Variants in MAPK8IP1 observed in about 807,000 individuals in gnomAD.
MAPK8IP1 encodes mitogen-activated protein kinase 8 interacting protein 1, also known as C-Jun-amino-terminal kinase-interacting protein 1.
Under a neutral mutation model 72.6 loss-of-function variants are expected in MAPK8IP1, and 17 were observed. That is an observed-to-expected ratio of 0.23 (90% CI 0.16 to 0.35). The LOEUF (loss-of-function observed/expected upper bound fraction) is 0.35, where lower values mean the gene tolerates loss of function less well. MAPK8IP1 is among the 10% of genes least tolerant of loss of function. The pLI, the probability that MAPK8IP1 is intolerant of heterozygous loss-of-function variation, is 1.00. For synonymous variants in MAPK8IP1, 401 were observed against 443.4 expected, an observed-to-expected ratio of 0.90 and a Z score of 1.20; for missense variants, 789 against 1,009.7, an observed-to-expected ratio of 0.78 and a Z score of 2.96.
chr11:45,904,493 G>C lies in MAPK8IP1; in HGVS notation c.1705G>C (p.Val569Leu), dbSNP rs1326426868. ...KNSDWVDQFR[V>L]KFLGSVQVPY... ...CAGTGACTGGGTGGACCAGTTCCGGGTGAAGTTCCTGGGCTCAGTCCAGGT... is the reference window on the plus strand; with the variant it reads ...CAGTGACTGGGTGGACCAGTTCCGGCTGAAGTTCCTGGGCTCAGTCCAGGT... Residue 569 changes from valine (V) to leucine (L), a missense_variant, in exon 8 of 12, where the codon GTG becomes CTG. By Grantham distance (32) the Val-to-Leu change is conservative. Coordinates refer to ENST00000241014, the MANE Select transcript of MAPK8IP1 (RefSeq NM_005456.4). The surrounding 1 kb of genome is among the most constrained non-coding windows in gnomAD (Gnocchi z 6.4). 1.2e-6 allele frequency: 2 copies of C among 1,614,196 alleles called. No homozygotes were observed. Among genetic ancestry groups the C allele is most frequent in the Non-Finnish European group, 1.7e-6 (2 of 1,180,044 alleles).
At chr11:45,896,850 C>G (rs753549474) in intron 1 of MAPK8IP1, 1 of 1,548,320 alleles carries the variant, frequency 6.5e-7, no homozygotes, top group Non-Finnish European at 8.7e-7. Flanking sequence ...CCCTGGGGCC[C>G]CGCAGCCCCC....
At chr11:45,896,614 G>A (rs1208146983) in intron 1 of MAPK8IP1, 12 of 1,350,492 alleles carry the variant, frequency 8.9e-6, no homozygotes, top group Non-Finnish European at 1.1e-5. Flanking sequence ...GGCCAGGCCA[G>A]CCGGGAGGAA....
rs1473959371 is a variant in MAPK8IP1 at position 45,900,643 on chromosome 11, GC to G, written c.522+192del. Among the ~76,000 whole-genome samples the G allele has an allele frequency of 6.6e-6, 1 of 152,238 alleles. No homozygotes were observed. The highest frequency in any genetic ancestry group is 2.4e-5 in the African/African-American group (1 of 41,456). ...GCAGAACCATCCTTACGAAGAGGGG[GC>G]TGAGTCCAGCTGGCCGGGCTTGGAG... is the stretch of plus-strand genomic sequence containing the variant. On this transcript the variant is annotated intron_variant, in intron 3 of 11. Transcript: ENST00000241014. The surrounding 1 kb of genome is among the most constrained non-coding windows in gnomAD (Gnocchi z 6.5).
In MAPK8IP1 at chr11:45,898,105, TGGA is replaced by T; in HGVS notation, c.127_129del (p.Glu43del). The T allele has an allele frequency of 6.2e-7, 1 of 1,613,464 alleles. No homozygotes were observed. Among genetic ancestry groups the T allele is most frequent in the Non-Finnish European group, 8.5e-7 (1 of 1,179,574 alleles). On this transcript the variant is annotated inframe_deletion, in exon 2 of 12. Coordinates refer to ENST00000241014, the MANE Select transcript of MAPK8IP1 (RefSeq NM_005456.4). Reference sequence around the variant, plus strand: ...ACCAGGCTCACCCATGACATCAGCCTGGAGGAGTTTGAGGATGAAGACCTCTCG... The same window carrying T: ...ACCAGGCTCACCCATGACATCAGCCTGGAGTTTGAGGATGAAGACCTCTCG...
Position 45,902,921 on chromosome 11 carries a change from T to G in MAPK8IP1, c.1154T>G (p.Val385Gly). The G allele has an allele frequency of 6.2e-7, 1 of 1,610,542 alleles. No homozygotes were observed. The highest frequency in any genetic ancestry group is 8.5e-7 in the Non-Finnish European group (1 of 1,179,014). ...SYDSVKYTLV[V>G]DEHAQLELVS... ...GACTCTGTCAAGTACACGCTGGTGG[T>G]AGATGAGCATGCACAGCTGGAGCTG... is the stretch of plus-strand genomic sequence containing the variant. The change falls in exon 5 of 12, where the codon GTA becomes GGA. Residue 385 changes from valine to glycine, a missense_variant. By Grantham distance (109) the Val-to-Gly change is moderately radical. Around this residue, in one of 4 missense-constraint regions of MAPK8IP1, gnomAD observed 377 missense variants for 411.7 expected, o/e 0.92. Transcript: ENST00000241014. This position sits in a 1 kb window ranked among gnomAD's most constrained non-coding sequence, Gnocchi z 9.3.
At chr11:45,896,631 T>A in intron 1 of MAPK8IP1, 1 of 1,365,066 alleles carries the variant, frequency 7.3e-7, no homozygotes, top group South Asian at 1.9e-5. Context: ...GGAAGGTGCC[T>A]GCAGCTGAGG....
chr11:45,900,166 G>C lies in MAPK8IP1; in HGVS notation c.236G>C (p.Gly79Ala), dbSNP rs1239738750. ...CCGCGCGCCGGGCTGCTCTCTGCGG[G>C]CGGCGGCGGCGCGGGGAGCCGGTTG... Reference protein sequence around the residue: ...RPPRAGLLSAGGGGAGSRLQA... With the variant: ...RPPRAGLLSAAGGGAGSRLQA... The change falls in exon 3 of 12, where the codon GGC (glycine) becomes GCC (alanine). Residue 79 changes from glycine (G) to alanine (A), a missense_variant. Transcript: ENST00000241014. The surrounding 1 kb of genome is among the most constrained non-coding windows in gnomAD (Gnocchi z 6.5). 27 of 1,308,266 alleles carry C rather than the reference G, an allele frequency of 2.1e-5. No homozygotes were observed. The highest frequency in any genetic ancestry group is 2.6e-5 in the Non-Finnish European group (27 of 1,035,448). 81.0% of individuals were successfully genotyped at this position (1,308,266 alleles called of 1,614,324 possible). A position where few individuals can be genotyped will look rare whatever the true frequency, so the allele number is the denominator to read the frequency against.
Position 45,904,214 on chromosome 11 carries a change from A to G in MAPK8IP1, c.1666+53A>G. 2 of 1,574,782 alleles carry G rather than the reference A, an allele frequency of 1.3e-6. No homozygotes were observed. The highest frequency in any genetic ancestry group is 2.3e-5 in the East Asian group (1 of 43,512). ...CCAGCCACCACATCTGTCTGCCCCA[A>G]CTTGCTGCTAGGTGAACGTGTACTC... On this transcript the variant is annotated intron_variant, in intron 7 of 11. Transcript: ENST00000241014. The surrounding 1 kb of genome is among the most constrained non-coding windows in gnomAD (Gnocchi z 6.4).
intron 2 of MAPK8IP1, among the ~76,000 whole-genome samples, chr11:45,898,703 GCCTATAGT>G (rs1228611625): frequency 1.3e-5 from 2 of 152,206 alleles, no homozygotes; most frequent in East Asian, 3.8e-4. Context: ...ACCCTCTCTG[GCCTATAGT>G]CCTAAAGGCC....
chr11:45,887,849 T>A (rs2086539300), intron 1 of MAPK8IP1, among the ~76,000 whole-genome samples: 1 of 152,248 alleles, frequency 6.6e-6, no homozygotes, highest in Admixed American at 6.5e-5. Context: ...CCTGCCCCGC[T>A]GCTCCCAAAG....
At chr11:45,894,940 AGGGCTG>A (rs1453849060) in intron 1 of MAPK8IP1, among the ~76,000 whole-genome samples, 1 of 152,186 alleles carries the variant, frequency 6.6e-6, no homozygotes, top group Non-Finnish European at 1.5e-5. Context: ...GCCACATGCA[AGGGCTG>A]GGAGGGCTTC....
chr11:45,890,957 C>T (rs919882039), intron 1 of MAPK8IP1, among the ~76,000 whole-genome samples: 8 of 151,924 alleles, frequency 5.3e-5, no homozygotes, highest in African/African-American at 7.3e-5. Context: ...GATGGCTGGC[C>T]GGTGGCCTGT....
chr11:45,898,243 CAG>C, intron 2 of MAPK8IP1, 53 bp downstream of exon 2: 1 of 1,250,168 alleles, frequency 8.0e-7, no homozygotes, highest in African/African-American at 1.5e-5. Context: ...AGGCTAGGGA[CAG>C]GGGTAAGGGT....
intron 1 of MAPK8IP1, among the ~76,000 whole-genome samples, chr11:45,886,498 GC>G (rs1306491473): frequency 6.6e-6 from 1 of 152,198 alleles, no homozygotes; most frequent in East Asian, 1.9e-4. Flanking sequence ...TGAAGGCTCA[GC>G]CTCAACCAGG....
chr11:45,901,727 A>G (rs890085117), intron 3 of MAPK8IP1, among the ~76,000 whole-genome samples: 4 of 152,180 alleles, frequency 2.6e-5, no homozygotes, highest in African/African-American at 9.7e-5. Context: ...AAGGCTGATA[A>G]GAGCATCTCC....
chr11:45,885,770 C>T lies in MAPK8IP1; in HGVS notation c.-51C>T, dbSNP rs2086521588. ...CGCGCCTCCGCCTCCTTCGCAGCCG[C>T]CGCCTCCTCCGCGCCGCGCTCCGCC... On this transcript the variant is annotated 5_prime_UTR_variant, in exon 1 of 12. Coordinates refer to ENST00000241014, the MANE Select transcript of MAPK8IP1 (RefSeq NM_005456.4). The T allele has an allele frequency of 8.8e-7, 1 of 1,133,534 alleles. No individual in the cohort carries two copies. The highest frequency in any genetic ancestry group is 1.2e-6 in the Non-Finnish European group (1 of 869,406). The allele number at this position is 1,133,534 out of a possible 1,614,324, so 70.2% of individuals were successfully genotyped here.
At chr11:45,892,812 C>T (rs899900352) in intron 1 of MAPK8IP1, among the ~76,000 whole-genome samples, 9 of 152,164 alleles carry the variant, frequency 5.9e-5, no homozygotes, top group African/African-American at 2.2e-4. Flanking sequence ...AGTGACCAGA[C>T]CAGATTTGTA....
chr11:45,891,840 C>T (rs1316555321), intron 1 of MAPK8IP1, among the ~76,000 whole-genome samples: 1 of 152,178 alleles, frequency 6.6e-6, no homozygotes, highest in African/African-American at 2.4e-5. Flanking sequence ...GGAACCAGCC[C>T]CCTGGTGCTG....
At chr11:45,905,085 G>C (rs1202683953) in intron 10 of MAPK8IP1, 44 bp downstream of exon 10, 3 of 1,612,472 alleles carry the variant, frequency 1.9e-6, no homozygotes, top group Non-Finnish European at 2.5e-6. Context: ...CGGGTGGTCT[G>C]CAGCCTTGAG....
Sources: gnomAD v4.1 joint callset for allele counts (sites outside exome capture counted in the v4.1 genomes callset) on GRCh38, gnomAD v4.1.1 for gene constraint, gnomAD v4.1.1 regional missense constraint, Gnocchi (gnomAD v3.1) non-coding constraint, MANE v1.5 for transcripts, NCBI Gene and HGNC (gene_info 2026-07-23, HGNC 2026-07-21) for gene names.